PRDM16: variants seen among roughly 807,000 people sequenced by gnomAD.
PRDM16 encodes the protein PR/SET domain 16.
PRDM16 carries 23 observed loss-of-function variants against 110.6 expected under a neutral mutation model. The ratio of observed to expected loss-of-function variants is 0.21; its 90% CI spans 0.15 to 0.29. The LOEUF (loss-of-function observed/expected upper bound fraction) is 0.29. Ranked by LOEUF, PRDM16 falls within the 10% of genes least tolerant of loss-of-function variation. The pLI, the probability that PRDM16 is intolerant of heterozygous loss-of-function variation, is 1.00. For synonymous variants in PRDM16, 799 were observed against 781.8 expected (o/e 1.02, Z -0.37); for missense variants, 1,615 against 1,794.3 (o/e 0.90, Z 1.81).
chr1:3,277,439 C>T (rs1430115040), intron 3 of PRDM16, among the ~76,000 whole-genome samples: 5 of 152,258 alleles, frequency 3.3e-5, no homozygotes, highest in South Asian at 2.1e-4. Context: ...TGCCATGGGG[C>T]GCACTTGCTC....
At chr1:3,388,227 C>T (rs994300983) in intron 4 of PRDM16, among the ~76,000 whole-genome samples, 2 of 152,182 alleles carry the variant, frequency 1.3e-5, no homozygotes, top group Non-Finnish European at 2.9e-5. Context: ...AACACCATCC[C>T]CACACACAAA....
intron 3 of PRDM16, among the ~76,000 whole-genome samples, chr1:3,371,350 C>G (rs1177399669): frequency 6.6e-6 from 1 of 151,610 alleles, no homozygotes; most frequent in African/African-American, 2.4e-5. Context: ...CATTCACCAT[C>G]CATCCATTCA....
At chr1:3,121,890 G>A (rs1320363595) in intron 1 of PRDM16, among the ~76,000 whole-genome samples, 1 of 152,242 alleles carries the variant, frequency 6.6e-6, no homozygotes, top group Non-Finnish European at 1.5e-5. Context: ...CAGTACCCTG[G>A]GTGATGTAGT....
At chr1:3,225,573 T>TGTGTGTGTGTGCGCGCGC (rs1336272072) in intron 2 of PRDM16, among the ~76,000 whole-genome samples, 3 of 129,804 alleles carry the variant, frequency 2.3e-5, no homozygotes, top group African/African-American at 8.0e-5. Context: ...TGTGTGTGTG[T>TGTGTGTGTGTGCGCGCGC]GCGCGCGCGC....
At position 3,213,452 on chromosome 1, in the gene PRDM16, T is replaced by C. The variant is rs12072073; in HGVS notation, c.387+26978T>C. On this transcript the variant is annotated intron_variant, in intron 2 of 16. Coordinates refer to ENST00000270722, the MANE Select transcript of PRDM16 (RefSeq NM_022114.4). The surrounding 1 kb of genome is among the most constrained non-coding windows in gnomAD (Gnocchi z 5.3). Reference sequence around the variant, plus strand: ...ATTGGGAGGACTGTAATTTTCCACTTAGGCTTGTCACCAATCGGGCAGTCA... The same window carrying C: ...ATTGGGAGGACTGTAATTTTCCACTCAGGCTTGTCACCAATCGGGCAGTCA... 0.41 allele frequency among the ~76,000 whole-genome samples: 61,962 copies of C among 152,044 alleles called. 18,639 individuals are homozygous for C. The highest frequency in any genetic ancestry group is 0.83 in the African/African-American group (34,566 of 41,482).
At chr1:3,117,105 G>A (rs1018969492) in intron 1 of PRDM16, among the ~76,000 whole-genome samples, 15 of 152,326 alleles carry the variant, frequency 9.8e-5, no homozygotes, top group Non-Finnish European at 1.6e-4. Context: ...CTGCTTCCTC[G>A]GTGGGAGGAG....
At chr1:3,260,266 C>G (rs1290904424) in intron 3 of PRDM16, among the ~76,000 whole-genome samples, 4 of 152,174 alleles carry the variant, frequency 2.6e-5, no homozygotes, top group African/African-American at 9.7e-5. Context: ...GGGTTTTACT[C>G]AGCTCTAACC....
intron 3 of PRDM16, among the ~76,000 whole-genome samples, chr1:3,251,664 C>G (rs938127925): frequency 6.6e-6 from 1 of 152,208 alleles, no homozygotes; most frequent in Non-Finnish European, 1.5e-5. Flanking sequence ...GCAACTCCCA[C>G]AGCAGGGTGC....
intron 3 of PRDM16, among the ~76,000 whole-genome samples, chr1:3,278,065 A>G (rs1416443395): frequency 6.6e-6 from 1 of 152,232 alleles, no homozygotes; most frequent in African/African-American, 2.4e-5. Flanking sequence ...GTCTGGGGTC[A>G]TTCCTAATTC....
chr1:3,165,035 T>A (rs1408315470), intron 1 of PRDM16, among the ~76,000 whole-genome samples: 1 of 152,198 alleles, frequency 6.6e-6, no homozygotes, highest in Non-Finnish European at 1.5e-5. Context: ...AGTGACATGG[T>A]GCTTGGGGAG....
At chr1:3,076,840 G>A (rs1271432095) in intron 1 of PRDM16, among the ~76,000 whole-genome samples, 3 of 152,192 alleles carry the variant, frequency 2.0e-5, no homozygotes, top group African/African-American at 7.2e-5. Context: ...ACTTAGGTTT[G>A]GTTTTCTCCT....
intron 2 of PRDM16, among the ~76,000 whole-genome samples, chr1:3,218,091 C>T (rs978593467): frequency 1.3e-5 from 2 of 152,246 alleles, no homozygotes; most frequent in Non-Finnish European, 2.9e-5. Flanking sequence ...CCACAAAACA[C>T]TATTGTCGTG....
intron 3 of PRDM16, among the ~76,000 whole-genome samples, chr1:3,320,042 T>A (rs1022677639): frequency 6.6e-6 from 1 of 152,186 alleles, no homozygotes; most frequent in Non-Finnish European, 1.5e-5. Flanking sequence ...CTGGGCCTGG[T>A]GGCCACACCT....
Position 3,148,868 on chromosome 1 carries a change from G to A in PRDM16, c.38-37257G>A, listed in dbSNP as rs1346161789. Reference sequence around the variant, plus strand: ...ATTTATTTTTAAGATTTAGTGTGTTGTGGGGGTTCATCGTTCCAAAAAAGG... The same window carrying A: ...ATTTATTTTTAAGATTTAGTGTGTTATGGGGGTTCATCGTTCCAAAAAAGG... On this transcript the variant is annotated intron_variant, in intron 1 of 16. Coordinates refer to ENST00000270722, the MANE Select transcript of PRDM16 (RefSeq NM_022114.4). This position sits in a 1 kb window ranked among gnomAD's most constrained non-coding sequence, Gnocchi z 5.0. Among the ~76,000 whole-genome samples the A allele has an allele frequency of 1.3e-5, 2 of 152,248 alleles. No homozygotes were observed. The highest frequency in any genetic ancestry group is 4.8e-5 in the African/African-American group (2 of 41,460).
chr1:3,188,504 C>T (rs539593000), intron 2 of PRDM16, among the ~76,000 whole-genome samples: 3 of 152,320 alleles, frequency 2.0e-5, no homozygotes, highest in Non-Finnish European at 2.9e-5. Flanking sequence ...CGTGAGGGAA[C>T]GCGCTCTCCT....
chr1:3,217,469 G>C (rs1222038312), intron 2 of PRDM16, among the ~76,000 whole-genome samples: 1 of 152,216 alleles, frequency 6.6e-6, no homozygotes, highest in Non-Finnish European at 1.5e-5. Flanking sequence ...GGCCAGGTCA[G>C]AACTCAAGAG....
At chr1:3,414,142 C>A (rs1233086321) in intron 9 of PRDM16, among the ~76,000 whole-genome samples, 2 of 152,224 alleles carry the variant, frequency 1.3e-5, no homozygotes, top group East Asian at 1.9e-4. Context: ...GAGTGGTCCC[C>A]ACTCATGCAG....
intron 2 of PRDM16, among the ~76,000 whole-genome samples, chr1:3,199,839 C>T (rs1040610113): frequency 2.6e-5 from 4 of 152,214 alleles, no homozygotes; most frequent in African/African-American, 9.6e-5. Context: ...CCGGAGAGAC[C>T]ACGGTGCACC....
intron 1 of PRDM16, among the ~76,000 whole-genome samples, chr1:3,138,921 C>T (rs143390126): frequency 0.016 from 2,405 of 152,206 alleles, 69 homozygotes; most frequent in African/African-American, 0.054. Context: ...AAGAGGGAGG[C>T]GGGATGAGGC....
Sources: gnomAD v4.1 joint callset for allele counts (sites outside exome capture counted in the v4.1 genomes callset) on GRCh38, gnomAD v4.1.1 for gene constraint, Gnocchi (gnomAD v3.1) non-coding constraint, MANE v1.5 for transcripts, NCBI Gene and HGNC (gene_info 2026-07-23, HGNC 2026-07-21) for gene names.